Variants in PPIE observed in about 807,000 individuals in gnomAD.
PPIE encodes the protein peptidyl-prolyl cis-trans isomerase E.
In PPIE, 20 loss-of-function variants were observed where a neutral mutation model predicts 38.4. That is an observed-to-expected ratio of 0.52 (90% CI 0.37 to 0.76). The LOEUF (loss-of-function observed/expected upper bound fraction) is 0.76. Among genes scored for constraint, PPIE ranks in the 30% least tolerant of loss-of-function variants. The pLI, the probability that PPIE is intolerant of heterozygous loss-of-function variation, is 0.00. For missense variants in PPIE, 322 were observed against 385.8 expected (o/e 0.83, Z 1.39); for synonymous variants, 142 against 135.7 (o/e 1.05, Z -0.32).
chr1:39,743,713 A>G (rs1557444612), intron 5 of PPIE, 111 bp from the exon 6 acceptor site: 3 of 789,922 alleles, frequency 3.8e-6, no homozygotes, highest in Non-Finnish European at 6.1e-6. Context: ...TCAGTGGGGA[A>G]TTGTCTGGCA....
chr1:39,762,864 G>A (rs1190071278), intron 9 of PPIE, among the ~76,000 whole-genome samples: 1 of 152,250 alleles, frequency 6.6e-6, no homozygotes, highest in Admixed American at 6.5e-5. Context: ...ATGTGTACAC[G>A]ACTGTTCACG....
chr1:39,756,606 T>G lies in PPIE; in HGVS notation c.*3251T>G. On this transcript the variant is annotated 3_prime_UTR_variant, in exon 10 of 10. Coordinates refer to ENST00000324379, the MANE Select transcript of PPIE (RefSeq NM_006112.4). ...CTTTTTATTGTTGAAAATGGAGTCT[T>G]GTAGAGTTCAGTGATGGGAAACTAA... The G allele has an allele frequency of 1.0e-6, 1 of 985,418 alleles. No homozygotes were observed. The highest frequency in any genetic ancestry group is 1.2e-6 in the Non-Finnish European group (1 of 829,924). The allele number at this position is 985,418 out of a possible 1,614,324, so 61.0% of individuals were successfully genotyped here. A position where few individuals can be genotyped will look rare whatever the true frequency, so the allele number is the denominator to read the frequency against.
At chr1:39,748,731 G>A (rs540460960) in intron 7 of PPIE, 172 bp from the exon 8 acceptor site, 22 of 621,484 alleles carry the variant, frequency 3.5e-5, no homozygotes, top group East Asian at 3.0e-4. Flanking sequence ...GTGAAACTCC[G>A]TCTCAAGGAA....
downstream of PPIE, chr1:39,759,512 C>G (rs1358119511): frequency 6.6e-6 from 1 of 152,232 alleles, no homozygotes; most frequent in Admixed American, 6.5e-5. Context: ...GAAAAACATT[C>G]CAGATTGATT....
In PPIE at chr1:39,738,885, A is replaced by G. The variant is rs1244387871; in HGVS notation, c.-16A>G. On this transcript the variant is annotated 5_prime_UTR_variant, in exon 1 of 10. Coordinates refer to ENST00000324379, the MANE Select transcript of PPIE (RefSeq NM_006112.4). ...GGGTCGAGTGCTGGCTTCCGGCGGA[A>G]AAGCGCGCGAGCAAGATGGCCACCA... The G allele has an allele frequency of 6.6e-7, 1 of 1,515,258 alleles. No individual in the cohort carries two copies. Among genetic ancestry groups the G allele is most frequent in the Non-Finnish European group, 8.8e-7 (1 of 1,134,544 alleles). 93.9% of individuals were successfully genotyped at this position (1,515,258 alleles called of 1,614,324 possible).
chr1:39,743,341 T>A, intron 5 of PPIE, 44 bp downstream of exon 5: 1 of 1,553,126 alleles, frequency 6.4e-7, no homozygotes, highest in Non-Finnish European at 8.9e-7. Context: ...GTTCTGCAGT[T>A]TGGCCTTAGT....
At chr1:39,748,322 CT>C (rs1647339481) in intron 7 of PPIE, 1 of 152,238 alleles carries the variant, frequency 6.6e-6, no homozygotes, top group African/African-American at 2.4e-5. Context: ...AGATTTGCCC[CT>C]ATGTTTTCTT....
rs542657829 is a variant in PPIE, at chr1:39,756,320, C to G, written c.*2965C>G. 4.4e-4 allele frequency: 437 copies of G among 985,464 alleles called. No individual in the cohort carries two copies. In the South Asian group the frequency reaches 9.2e-3, roughly 21 times the overall value. 61.0% of individuals were successfully genotyped at this position (985,464 alleles called of 1,614,324 possible). A position where few individuals can be genotyped will look rare whatever the true frequency, so the allele number is the denominator to read the frequency against. ...TTCCACATTCCCATTGCTGGACCAG[C>G]ACCAGGACTGGGCACAGGGCTTCCT... On this transcript the variant is annotated 3_prime_UTR_variant, in exon 10 of 10. Coordinates refer to ENST00000324379, the MANE Select transcript of PPIE (RefSeq NM_006112.4).
intron 1 of PPIE, 85 bp downstream of exon 1, chr1:39,739,016 A>T: frequency 3.8e-6 from 5 of 1,332,178 alleles, no homozygotes; most frequent in Non-Finnish European, 4.9e-6. Context: ...TCTCTGAACC[A>T]GGAGGACGGC....
intron 6 of PPIE, 60 bp from the exon 7 acceptor site, chr1:39,745,315 C>T (rs1295238945): frequency 1.9e-5 from 30 of 1,606,392 alleles, no homozygotes; most frequent in Middle Eastern, 3.9e-4. Flanking sequence ...GTAGAATACT[C>T]GCACTCCTAC....
intron 3 of PPIE, 182 bp downstream of exon 3, chr1:39,741,591 A>G (rs1647058505): frequency 7.4e-6 from 5 of 677,734 alleles, no homozygotes; most frequent in Non-Finnish European, 1.3e-5. Context: ...TGTGAATAAC[A>G]TGTCAGACCT....
chr1:39,763,100 G>T lies in PPIE; in HGVS notation c.838-589G>T, dbSNP rs144839101. On this transcript the variant is annotated intron_variant, in intron 9 of 9. Transcript: ENST00000356511. ...ATGGGCATGGTACTGACCAGGGACT[G>T]CAGGATGGCGTGGTTGGTGGCATTC... is the stretch of plus-strand genomic sequence containing the variant. The T allele has an allele frequency of 3.7e-6, 6 of 1,613,786 alleles. No homozygotes were observed. In the African/African-American group the frequency reaches 5.3e-5, roughly 14 times the overall value.
chr1:39,763,232 T>C (rs1291385416), intron 9 of PPIE: 1 of 1,573,908 alleles, frequency 6.4e-7, no homozygotes, highest in Non-Finnish European at 8.7e-7. Context: ...GTGAGTCCCA[T>C]CCATGTGCCC....
chr1:39,759,623 G>A (rs528470832), downstream of PPIE: 4 of 152,360 alleles, frequency 2.6e-5, no homozygotes, highest in African/African-American at 9.6e-5. Flanking sequence ...GCTCAGCAAA[G>A]GGAAAACTCC....
chr1:39,739,031 T>C (rs1261337614), intron 1 of PPIE, 100 bp downstream of exon 1: 2 of 1,282,824 alleles, frequency 1.6e-6, no homozygotes, highest in Non-Finnish European at 1.0e-6. Flanking sequence ...GACGGCGAGC[T>C]GCTGTCAAGG....
At chr1:39,762,762 G>A in intron 9 of PPIE, 8 of 1,355,872 alleles carry the variant, frequency 5.9e-6, no homozygotes, top group Non-Finnish European at 7.9e-6. Context: ...CCCCCACACA[G>A]TGTACACATC....
intron 9 of PPIE, among the ~76,000 whole-genome samples, chr1:39,762,009 C>G (rs565495599): frequency 3.2e-4 from 49 of 152,332 alleles, no homozygotes; most frequent in African/African-American, 1.2e-3. Flanking sequence ...CCGCGTGCCT[C>G]CCACACATGC....
Position 39,739,032 on chromosome 1 carries a change from G to GCTGT in PPIE, c.31+103_31+106dup, listed in dbSNP as rs369319262. 1.0e-5 allele frequency: 13 copies of GCTGT among 1,273,506 alleles called. No homozygotes were observed. The African/African-American group carries it at 1.2e-4, about 12-fold the overall frequency. The allele number at this position is 1,273,506 out of a possible 1,614,324, so 78.9% of individuals were successfully genotyped here. A position where few individuals can be genotyped will look rare whatever the true frequency, so the allele number is the denominator to read the frequency against. The stretch of plus-strand genomic sequence containing the variant: ...CTCTGAACCAGGAGGACGGCGAGCT[G>GCTGT]CTGTCAAGGCCGGGTCTCTGGCGGT... On this transcript the variant is annotated intron_variant, in intron 1 of 9. Transcript: ENST00000324379.
chr1:39,755,109 C>G lies in PPIE; in HGVS notation c.*1754C>G, dbSNP rs1446543368. ...CTTGGAGCTGGCTTCTCTCCACTCC[C>G]CCTCCAGATGCTGGTCAGCCAGGCG... is the stretch of plus-strand genomic sequence containing the variant. On this transcript the variant is annotated 3_prime_UTR_variant, in exon 10 of 10. Coordinates refer to ENST00000324379, the MANE Select transcript of PPIE (RefSeq NM_006112.4). 1.0e-6 allele frequency: 1 copy of G among 985,486 alleles called. No homozygotes were observed. The allele number at this position is 985,486 out of a possible 1,614,324, so 61.0% of individuals were successfully genotyped here. A position where few individuals can be genotyped will look rare whatever the true frequency, so the allele number is the denominator to read the frequency against.
Sources: gnomAD v4.1 joint callset for allele counts (sites outside exome capture counted in the v4.1 genomes callset) on GRCh38, gnomAD v4.1.1 for gene constraint, MANE v1.5 for transcripts, NCBI Gene and HGNC (gene_info 2026-07-23, HGNC 2026-07-21) for gene names.